GPC5: variants seen among roughly 807,000 people sequenced by gnomAD.
GPC5 encodes glypican-5.
GPC5 carries 47 observed loss-of-function variants against 53.9 expected under a neutral mutation model. That is an observed-to-expected ratio of 0.87 (90% confidence interval 0.69 to 1.11). GPC5 has a LOEUF of 1.11. Among genes scored for constraint, GPC5 ranks in the 50% most tolerant of loss-of-function variants. GPC5 has a pLI of 0.00. For missense variants in GPC5, 748 were observed against 713.1 expected, an observed-to-expected ratio of 1.05 and a Z score of -0.56; for synonymous variants, 286 against 263.3, an observed-to-expected ratio of 1.09 and a Z score of -0.84.
At chr13:91,400,627 C>T (rs997720479) in intron 1 of GPC5, among the ~76,000 whole-genome samples, 1 of 152,114 alleles carries the variant, frequency 6.6e-6, no homozygotes, top group Non-Finnish European at 1.5e-5. Context: ...GATGTGAGAT[C>T]TTTACCTGAA....
intron 7 of GPC5, among the ~76,000 whole-genome samples, chr13:92,220,552 T>C (rs1324211018): frequency 6.6e-6 from 1 of 152,198 alleles, no homozygotes; most frequent in Admixed American, 6.5e-5. Context: ...TAGGATACTA[T>C]CGGGAAGTAA....
intron 7 of GPC5, among the ~76,000 whole-genome samples, chr13:92,297,967 A>C (rs1431957114): frequency 6.6e-6 from 1 of 152,050 alleles, no homozygotes; most frequent in African/African-American, 2.4e-5. Flanking sequence ...TGCCACCTTA[A>C]GAGCTGTAAC....
At chr13:92,427,801 T>C (rs1280437818) in intron 7 of GPC5, among the ~76,000 whole-genome samples, 1 of 152,170 alleles carries the variant, frequency 6.6e-6, no homozygotes, top group African/African-American at 2.4e-5. Context: ...CAATTAGTGA[T>C]AGGAATTCAC....
chr13:92,138,778 T>C (rs1007048474), intron 6 of GPC5, among the ~76,000 whole-genome samples: 2 of 151,994 alleles, frequency 1.3e-5, no homozygotes, highest in Admixed American at 1.3e-4. Context: ...GCACAGAGCA[T>C]AGGGGAGTTA....
chr13:92,256,146 A>C (rs1181653270), intron 7 of GPC5, among the ~76,000 whole-genome samples: 1 of 151,622 alleles, frequency 6.6e-6, no homozygotes, highest in East Asian at 1.9e-4. Context: ...TAATATAGAG[A>C]TATAATATAG....
At chr13:91,428,256 G>A (rs1458260381) in intron 1 of GPC5, among the ~76,000 whole-genome samples, 2 of 152,182 alleles carry the variant, frequency 1.3e-5, no homozygotes, top group Non-Finnish European at 2.9e-5. Context: ...AGTGAGTAAG[G>A]CAGAGTAGAA....
intron 5 of GPC5, among the ~76,000 whole-genome samples, chr13:91,837,732 T>A (rs1041557744): frequency 3.9e-5 from 6 of 152,158 alleles, no homozygotes; most frequent in African/African-American, 1.4e-4. Flanking sequence ...AATTATTATG[T>A]CATACTCATA....
chr13:92,382,626 C>T (rs1401788930), intron 7 of GPC5, among the ~76,000 whole-genome samples: 1 of 152,082 alleles, frequency 6.6e-6, no homozygotes, highest in Non-Finnish European at 1.5e-5. Flanking sequence ...TGAAAGCAAA[C>T]ATGTTGGTAA....
At chr13:92,651,118 T>G (rs1429386552) in intron 7 of GPC5, among the ~76,000 whole-genome samples, 1 of 152,036 alleles carries the variant, frequency 6.6e-6, no homozygotes, top group African/African-American at 2.4e-5. Flanking sequence ...TCCATGGGAA[T>G]ACTATGGGAC....
intron 3 of GPC5, among the ~76,000 whole-genome samples, chr13:91,711,315 T>A (rs2036220830): frequency 1.3e-5 from 2 of 152,122 alleles, no homozygotes; most frequent in Non-Finnish European, 1.5e-5. Flanking sequence ...GGGACATGGA[T>A]GAAGCTGGAA....
chr13:91,966,752 T>C (rs574498698), intron 6 of GPC5, among the ~76,000 whole-genome samples: 3 of 152,132 alleles, frequency 2.0e-5, no homozygotes, highest in Non-Finnish European at 2.9e-5. Flanking sequence ...ATGTAAGTCA[T>C]AAAAGGCCTG....
At chr13:92,138,536 A>T (rs1226477087) in intron 6 of GPC5, among the ~76,000 whole-genome samples, 2 of 148,292 alleles carry the variant, frequency 1.3e-5, no homozygotes, top group East Asian at 1.9e-4. Flanking sequence ...ATAAAAAATA[A>T]AAAATAAAAA....
At chr13:91,526,710 C>G (rs1886101991) in intron 2 of GPC5, among the ~76,000 whole-genome samples, 1 of 152,122 alleles carries the variant, frequency 6.6e-6, no homozygotes, top group Admixed American at 6.6e-5. Context: ...CATTCTCACA[C>G]TGTTATAAAG....
rs1044759072 is a variant in GPC5, at chr13:91,757,340, G to T, written c.1280+920G>T. ...TAAAAAGTATACTTTGGATCTGAAT[G>T]TGTTAAAATATATTTTTGAGCAGTC... On this transcript the variant is annotated intron_variant, in intron 5 of 7. Coordinates refer to ENST00000377067, the MANE Select transcript of GPC5 (RefSeq NM_004466.6). Among the ~76,000 whole-genome samples, 4 of 152,102 alleles carry T rather than the reference G, an allele frequency of 2.6e-5. No individual in the cohort carries two copies. In the East Asian group the frequency reaches 7.7e-4, roughly 29 times the overall value.
intron 7 of GPC5, among the ~76,000 whole-genome samples, chr13:92,793,432 A>C (rs1876540508): frequency 6.6e-6 from 1 of 152,020 alleles, no homozygotes; most frequent in South Asian, 2.1e-4. Flanking sequence ...AAGAGGAAGC[A>C]GAAAGATCTA....
intron 2 of GPC5, among the ~76,000 whole-genome samples, chr13:91,557,383 T>G (rs2031018275): frequency 6.6e-6 from 1 of 152,142 alleles, no homozygotes; most frequent in Non-Finnish European, 1.5e-5. Flanking sequence ...TACTTTCCCT[T>G]TCATTGTTTA....
At chr13:91,460,825 A>G (rs1881885098) in intron 2 of GPC5, among the ~76,000 whole-genome samples, 1 of 152,074 alleles carries the variant, frequency 6.6e-6, no homozygotes, top group Admixed American at 6.6e-5. Flanking sequence ...ACCATCATCC[A>G]TAATATTGAT....
chr13:92,486,479 T>C (rs1175177622), intron 7 of GPC5, among the ~76,000 whole-genome samples: 3 of 152,192 alleles, frequency 2.0e-5, no homozygotes, highest in Admixed American at 2.0e-4. Context: ...AGGAAAAAAT[T>C]CTAGACATTT....
At chr13:92,663,929 C>A (rs61975922) in intron 7 of GPC5, among the ~76,000 whole-genome samples, 30,950 of 132,758 alleles carry the variant, frequency 0.23, 4,644 homozygotes, top group South Asian at 0.38. Context: ...AAAATTAGCT[C>A]GGCATGGTGC....
Sources: allele counts gnomAD v4.1 joint callset (sites outside exome capture counted in the v4.1 genomes callset), GRCh38; gene constraint gnomAD v4.1.1; transcripts MANE v1.5; gene names NCBI Gene and HGNC (gene_info 2026-07-23, HGNC 2026-07-21).